SLC2A12: variants seen among roughly 807,000 people sequenced by gnomAD.
SLC2A12 encodes the protein solute carrier family 2 member 12, also known as solute carrier family 2, facilitated glucose transporter member 12.
Under a neutral mutation model 41.8 loss-of-function variants are expected in SLC2A12, and 23 were observed. The ratio of observed to expected loss-of-function variants is 0.55; its 90% confidence interval spans 0.40 to 0.78. SLC2A12 has a LOEUF of 0.78. Ranked by LOEUF, SLC2A12 falls within the 30% of genes least tolerant of loss-of-function variation. The pLI, the probability that SLC2A12 is intolerant of heterozygous loss-of-function variation, is 0.00. For synonymous variants in SLC2A12, 295 were observed against 285.9 expected (o/e 1.03, Z -0.32); for missense variants, 654 against 745.6 (o/e 0.88, Z 1.43).
At chr6:134,017,755 G>A (rs1272278680) in intron 2 of SLC2A12, among the ~76,000 whole-genome samples, 1 of 152,010 alleles carries the variant, frequency 6.6e-6, no homozygotes, top group Non-Finnish European at 1.5e-5. Context: ...TCGGGACGCT[G>A]AGGCAGGAGA....
intron 1 of SLC2A12, among the ~76,000 whole-genome samples, chr6:134,048,862 G>C (rs1773628242): frequency 6.6e-6 from 1 of 152,152 alleles, no homozygotes; most frequent in South Asian, 2.1e-4. Flanking sequence ...GCCCAAGCTG[G>C]TTGGCCTGAC....
chr6:134,047,301 T>C (rs570459388), intron 1 of SLC2A12, among the ~76,000 whole-genome samples: 1 of 152,326 alleles, frequency 6.6e-6, no homozygotes, highest in African/African-American at 2.4e-5. Flanking sequence ...ACTGAGTAAA[T>C]AGCTGTTTCA....
chr6:134,023,529 G>A (rs762700160), intron 2 of SLC2A12, among the ~76,000 whole-genome samples: 11 of 152,162 alleles, frequency 7.2e-5, no homozygotes, highest in Non-Finnish European at 1.3e-4. Flanking sequence ...TGGGAAAAAA[G>A]GAGCTAGAAA....
At chr6:133,992,344 A>C (rs1776635198) in intron 4 of SLC2A12, among the ~76,000 whole-genome samples, 2 of 152,178 alleles carry the variant, frequency 1.3e-5, no homozygotes, top group African/African-American at 4.8e-5. Context: ...TTATTTTCTC[A>C]GTGAACTAAA....
chr6:134,006,493 T>C (rs1377090318), intron 3 of SLC2A12, among the ~76,000 whole-genome samples: 1 of 152,168 alleles, frequency 6.6e-6, no homozygotes, highest in East Asian at 1.9e-4. Flanking sequence ...TATGGGATGA[T>C]TATATTTTTA....
intron 2 of SLC2A12, among the ~76,000 whole-genome samples, chr6:134,021,489 C>G (rs1777039646): frequency 1.3e-5 from 2 of 152,182 alleles, no homozygotes; most frequent in African/African-American, 4.8e-5. Context: ...TTGCTAAGGA[C>G]TAAGATGTGT....
intron 2 of SLC2A12, among the ~76,000 whole-genome samples, chr6:134,025,817 G>A (rs1777105787): frequency 6.6e-6 from 1 of 152,208 alleles, no homozygotes; most frequent in Non-Finnish European, 1.5e-5. Context: ...AAAGTGTTGG[G>A]ATTACAGGCA....
chr6:133,991,973 G>A (rs1582592631), intron 4 of SLC2A12, among the ~76,000 whole-genome samples: 1 of 152,132 alleles, frequency 6.6e-6, no homozygotes, highest in East Asian at 1.9e-4. Context: ...AGAAAAAAGG[G>A]TTTAGTTGGG....
At chr6:134,043,922 G>A (rs893553722) in intron 1 of SLC2A12, among the ~76,000 whole-genome samples, 3 of 152,020 alleles carry the variant, frequency 2.0e-5, no homozygotes, top group African/African-American at 7.3e-5. Flanking sequence ...AGCTAAGGAA[G>A]CTGTGCCTGC....
At chr6:134,009,223 T>C (rs1344019675) in intron 2 of SLC2A12, 1 of 152,182 alleles carries the variant, frequency 6.6e-6, no homozygotes, top group Non-Finnish European at 1.5e-5. Context: ...CTGTCCTAGA[T>C]ATTCATTCAA....
At chr6:134,007,950 A>C (rs544558295) in intron 2 of SLC2A12, among the ~76,000 whole-genome samples, 22 of 152,316 alleles carry the variant, frequency 1.4e-4, no homozygotes, top group East Asian at 1.2e-3. Context: ...ATTGTGCTTT[A>C]TTGATAGTGA....
intron 3 of SLC2A12, among the ~76,000 whole-genome samples, chr6:134,004,081 A>G (rs1362440414): frequency 3.9e-5 from 6 of 152,248 alleles, no homozygotes; most frequent in Admixed American, 6.5e-5. Flanking sequence ...CTAAAAGCCC[A>G]TACGGAACTT....
At position 134,046,736 on chromosome 6, in the gene SLC2A12, A is replaced by G. The variant is rs539124754; in HGVS notation, c.103+5642T>C. ...TGAGGCACGAAAACTGCTTGAACCC[A>G]GGAGGTGGAGGTTGCGGTGAGCTGA... On this transcript the variant is annotated intron_variant, in intron 1 of 4. Transcript: ENST00000275230. Among the ~76,000 whole-genome samples the G allele has an allele frequency of 2.3e-3, 357 of 152,280 alleles. 2 individuals are homozygous for G. The highest frequency in any genetic ancestry group is 8.2e-3 in the African/African-American group (339 of 41,552).
chr6:134,012,363 C>T (rs1776898548), intron 2 of SLC2A12, among the ~76,000 whole-genome samples: 1 of 152,144 alleles, frequency 6.6e-6, no homozygotes, highest in East Asian at 1.9e-4. Flanking sequence ...GAATAAGCCT[C>T]AATAATGAAT....
intron 4 of SLC2A12, among the ~76,000 whole-genome samples, chr6:134,000,829 AT>A (rs981750773): frequency 5.9e-5 from 9 of 152,368 alleles, no homozygotes; most frequent in African/African-American, 2.2e-4. Flanking sequence ...AAGCCTATTC[AT>A]ATAAGAAACT....
chr6:133,995,038 C>T (rs761827978), intron 4 of SLC2A12, among the ~76,000 whole-genome samples: 16 of 152,086 alleles, frequency 1.1e-4, no homozygotes, highest in Non-Finnish European at 2.1e-4. Context: ...ATTTCAGGAG[C>T]GGAGTGGCCA....
rs144364761 is a variant in SLC2A12 at position 134,044,592 on chromosome 6, T to C, written c.103+7786A>G. ...AGCAGGATGTGGTGGCAGGCATCTGTAATCCCAGCTACTTGGGAGGCTGAG... is the reference window on the plus strand; with the variant it reads ...AGCAGGATGTGGTGGCAGGCATCTGCAATCCCAGCTACTTGGGAGGCTGAG... On this transcript the variant is annotated intron_variant, in intron 1 of 4. Coordinates refer to ENST00000275230, the MANE Select transcript of SLC2A12 (RefSeq NM_145176.3). Among the ~76,000 whole-genome samples the C allele has an allele frequency of 8.7e-3, 1,313 of 151,638 alleles. 20 individuals carry two copies. Among genetic ancestry groups the C allele is most frequent in the African/African-American group, 0.028 (1,138 of 41,304 alleles).
In SLC2A12 at chr6:134,032,186, A is replaced by G. The variant is rs181653557; in HGVS notation, c.104-2465T>C. Among the ~76,000 whole-genome samples the G allele has an allele frequency of 3.1e-4, 47 of 152,004 alleles. No individual in the cohort carries two copies. The East Asian group carries it at 5.8e-3, about 19-fold the overall frequency. On this transcript the variant is annotated intron_variant, in intron 1 of 4. Transcript: ENST00000275230. ...TCCATCTCCAGGATCCTAGTAGGCT[A>G]TGGGAATTGGCAGCCCCAAAAATAA...
At chr6:134,042,356 C>T (rs1413342562) in intron 1 of SLC2A12, among the ~76,000 whole-genome samples, 3 of 151,996 alleles carry the variant, frequency 2.0e-5, no homozygotes, top group Non-Finnish European at 2.9e-5. Context: ...ACCTGAATGG[C>T]CACCTGAACA....
Sources: allele counts gnomAD v4.1 joint callset (sites outside exome capture counted in the v4.1 genomes callset), GRCh38; gene constraint gnomAD v4.1.1; transcripts MANE v1.5; gene names NCBI Gene and HGNC (gene_info 2026-07-23, HGNC 2026-07-21).